The following DLG2 variants were observed in gnomAD, a reference collection of about 807,000 sequenced individuals.
The protein encoded by DLG2 is disks large homolog 2.
In DLG2, 45 loss-of-function variants were observed where a neutral mutation model predicts 132.5. The ratio of observed to expected loss-of-function variants is 0.34; its 90% CI spans 0.27 to 0.44. The LOEUF (loss-of-function observed/expected upper bound fraction) is 0.44. DLG2 is among the 20% of genes least tolerant of loss of function. The probability of loss-of-function intolerance (pLI) is 1.00; values close to 1 mark genes in which losing one functional copy is unlikely to be tolerated. For missense variants in DLG2, 1,045 were observed against 1,196.9 expected, an observed-to-expected ratio of 0.87 and a Z score of 1.87; for synonymous variants, 424 against 419.6, an observed-to-expected ratio of 1.01 and a Z score of -0.13.
At chr11:84,005,112 GA>G (rs2094521232) in intron 11 of DLG2, among the ~76,000 whole-genome samples, 1 of 151,550 alleles carries the variant, frequency 6.6e-6, no homozygotes, top group Non-Finnish European at 1.5e-5. Flanking sequence ...ACCTGACTTA[GA>G]AATATATTAC....
intron 9 of DLG2, among the ~76,000 whole-genome samples, chr11:84,123,561 G>C (rs540640673): frequency 5.9e-5 from 9 of 152,074 alleles, no homozygotes; most frequent in African/African-American, 1.7e-4. Flanking sequence ...CCTCTGCTCC[G>C]GGTACTGTAT....
intron 15 of DLG2, among the ~76,000 whole-genome samples, chr11:83,885,307 C>A (rs2067507342): frequency 6.6e-6 from 1 of 152,072 alleles, no homozygotes; most frequent in Admixed American, 6.5e-5. Flanking sequence ...AATGCAGAAA[C>A]CTCAGGAGCC....
Position 84,352,243 on chromosome 11 carries a change from C to T in DLG2, c.520-100952G>A, listed in dbSNP as rs538013268. Among the ~76,000 whole-genome samples, 18 of 152,220 alleles carry T rather than the reference C, an allele frequency of 1.2e-4. 1 individual carries two copies. The South Asian group carries it at 1.2e-3, about 11-fold the overall frequency. The stretch of plus-strand genomic sequence containing the variant: ...ACTAGAAGTCCTAAAACCTTGATTT[C>T]CATTATAGCTCTACCACATTCTGGC... On this transcript the variant is annotated intron_variant, in intron 7 of 27. Transcript: ENST00000376104.
intron 6 of DLG2, among the ~76,000 whole-genome samples, chr11:84,785,322 G>A (rs1235007394): frequency 1.3e-5 from 2 of 151,802 alleles, no homozygotes; most frequent in Non-Finnish European, 1.5e-5. Context: ...CTTATGTTAT[G>A]GTTCCCTATA....
chr11:84,757,540 C>T (rs895027390), intron 6 of DLG2, among the ~76,000 whole-genome samples: 1 of 152,034 alleles, frequency 6.6e-6, no homozygotes, highest in Non-Finnish European at 1.5e-5. Flanking sequence ...CTGACCAACT[C>T]CAGAGGAAGA....
intron 5 of DLG2, among the ~76,000 whole-genome samples, chr11:85,120,797 T>G (rs1471443895): frequency 6.6e-6 from 1 of 152,108 alleles, no homozygotes; most frequent in Non-Finnish European, 1.5e-5. Context: ...ATATTCTTTT[T>G]TGAAACATAA....
At chr11:84,248,278 C>T (rs1017819074) in intron 8 of DLG2, among the ~76,000 whole-genome samples, 13 of 151,882 alleles carry the variant, frequency 8.6e-5, no homozygotes, top group African/African-American at 3.1e-4. Flanking sequence ...TCATATTTAC[C>T]ATTCTCCTAG....
At chr11:85,621,441 G>C (rs1338623113) in intron 2 of DLG2, among the ~76,000 whole-genome samples, 1 of 152,156 alleles carries the variant, frequency 6.6e-6, no homozygotes, top group Non-Finnish European at 1.5e-5. Context: ...GTGATTCCCT[G>C]ATAGATCTGG....
chr11:83,632,666 A>G (rs1591334706), intron 19 of DLG2: 3 of 152,250 alleles, frequency 2.0e-5, no homozygotes, highest in Admixed American at 1.3e-4. Flanking sequence ...TTGTCAGACA[A>G]GGAACAAGTA....
chr11:84,409,460 A>G (rs77770929), intron 7 of DLG2, among the ~76,000 whole-genome samples: 1,685 of 152,342 alleles, frequency 0.011, 24 homozygotes, highest in African/African-American at 0.038. Flanking sequence ...TAGGGAAGGT[A>G]ACATGATAAT....
chr11:84,206,169 G>C (rs2096662520), intron 8 of DLG2, among the ~76,000 whole-genome samples: 1 of 152,036 alleles, frequency 6.6e-6, no homozygotes, highest in Admixed American at 6.6e-5. Context: ...GCTTATTCAA[G>C]AAGGAATAGA....
intron 6 of DLG2, among the ~76,000 whole-genome samples, chr11:84,846,524 T>G (rs1203267707): frequency 6.6e-6 from 1 of 152,126 alleles, no homozygotes; most frequent in Non-Finnish European, 1.5e-5. Context: ...AAACTACAAC[T>G]ACTCTCACCT....
chr11:85,184,559 A>G (rs2079959968), intron 4 of DLG2, among the ~76,000 whole-genome samples: 1 of 151,848 alleles, frequency 6.6e-6, no homozygotes, highest in Admixed American at 6.6e-5. Flanking sequence ...TGGAGATATA[A>G]CTGTTATTAG....
intron 6 of DLG2, among the ~76,000 whole-genome samples, chr11:84,819,106 C>CACACACACACAA (rs769677741): frequency 1.3e-5 from 2 of 150,440 alleles, no homozygotes; most frequent in African/African-American, 2.5e-5. Flanking sequence ...CACACACACA[C>CACACACACACAA]AATTTCGTTT....
At chr11:84,859,165 C>A (rs1457561692) in intron 6 of DLG2, among the ~76,000 whole-genome samples, 6 of 151,554 alleles carry the variant, frequency 4.0e-5, no homozygotes. Context: ...AATGTTTCTT[C>A]ACTTCTACTT....
chr11:85,460,086 A>T (rs961501397), intron 3 of DLG2, among the ~76,000 whole-genome samples: 3 of 152,204 alleles, frequency 2.0e-5, no homozygotes, highest in Non-Finnish European at 2.9e-5. Context: ...CCAGCCCAAG[A>T]GCACAGACAG....
Position 84,660,773 on chromosome 11 carries a change from G to A in DLG2, c.358-126042C>T, listed in dbSNP as rs182304106. On this transcript the variant is annotated intron_variant, in intron 6 of 27. Coordinates refer to ENST00000376104, the MANE Select transcript of DLG2 (RefSeq NM_001142699.3). The stretch of plus-strand genomic sequence containing the variant: ...ATATACACATTGACCCAAGCAATAG[G>A]AAGTACACTGCAAATGCAGATCTCA... Among the ~76,000 whole-genome samples the A allele has an allele frequency of 8.5e-3, 1,292 of 152,226 alleles. 12 individuals are homozygous for A. Among genetic ancestry groups the A allele is most frequent in the Non-Finnish European group, 0.013 (852 of 68,008 alleles).
intron 6 of DLG2, among the ~76,000 whole-genome samples, chr11:84,733,786 C>A (rs2153814837): frequency 6.6e-6 from 1 of 152,312 alleles, no homozygotes. Context: ...ACACTTAAGT[C>A]TTTAATCCAT....
intron 3 of DLG2, among the ~76,000 whole-genome samples, chr11:85,306,978 T>A (rs147230991): frequency 2.0e-5 from 3 of 152,314 alleles, no homozygotes; most frequent in African/African-American, 7.2e-5. Context: ...TGGGAACTCA[T>A]GACAAAGTCA....
Sources: gnomAD v4.1 joint callset for allele counts (sites outside exome capture counted in the v4.1 genomes callset) on GRCh38, gnomAD v4.1.1 for gene constraint, MANE v1.5 for transcripts, NCBI Gene and HGNC (gene_info 2026-07-23, HGNC 2026-07-21) for gene names.